The following GOSR2 variants were observed in gnomAD, a reference collection of about 807,000 sequenced individuals.
GOSR2 encodes the protein golgi SNAP receptor complex member 2.
GOSR2 carries 20 observed loss-of-function variants against 27.9 expected under a neutral mutation model. The ratio of observed to expected loss-of-function variants is 0.72; its 90% confidence interval spans 0.50 to 1.04. The LOEUF is 1.04. Ranked by LOEUF, GOSR2 falls within the 50% of genes least tolerant of loss-of-function variation. The pLI is 0.00. For synonymous variants in GOSR2, 91 were observed against 98.8 expected (o/e 0.92, Z 0.47); for missense variants, 261 against 270.5 (o/e 0.97, Z 0.25).
At chr17:46,971,549 C>T (rs555739218), downstream of GOSR2, among the ~76,000 whole-genome samples, 4 of 152,242 alleles carry the variant, frequency 2.6e-5, no homozygotes, top group South Asian at 8.3e-4. Flanking sequence ...CCTGGCAAAG[C>T]TGCATGGCTC....
downstream of GOSR2, among the ~76,000 whole-genome samples, chr17:46,945,634 T>C (rs144387665): frequency 6.6e-6 from 1 of 152,286 alleles, no homozygotes; most frequent in African/African-American, 2.4e-5. Flanking sequence ...TTCTCCCTTC[T>C]TTCCAGCCCG....
At chr17:46,964,957 C>T (rs1431170680) in intron 6 of GOSR2, 2 of 152,344 alleles carry the variant, frequency 1.3e-5, no homozygotes, top group African/African-American at 2.4e-5. Context: ...GTGATGTGGC[C>T]TTTCAGAAAC....
At chr17:46,942,481 A>G (rs1211196711), downstream of GOSR2, among the ~76,000 whole-genome samples, 2 of 152,140 alleles carry the variant, frequency 1.3e-5, no homozygotes, top group African/African-American at 4.8e-5. Context: ...CCATGGGCCC[A>G]CTTAATCTCC....
intron 1 of GOSR2, chr17:46,924,473 A>G (rs998463342): frequency 1.3e-5 from 2 of 152,228 alleles, no homozygotes; most frequent in Non-Finnish European, 2.9e-5. Flanking sequence ...TTTGAGGTAT[A>G]TACCTATCCT....
chr17:46,959,278 A>T lies in GOSR2; in HGVS notation c.584-7256A>T, dbSNP rs74804177. Among the ~76,000 whole-genome samples the T allele has an allele frequency of 5.6e-3, 858 of 152,346 alleles. 8 individuals are homozygous for T. The highest frequency in any genetic ancestry group is 0.018 in the African/African-American group (758 of 41,576). On this transcript the variant is annotated intron_variant, in intron 6 of 6. Transcript: ENST00000573224. ...TAACCTCCAATTTACAAACATTTTT[A>T]ATCACACACCAAAAAGGAAAAGCAT...
intron 6 of GOSR2, among the ~76,000 whole-genome samples, chr17:46,963,335 A>C (rs1392584342): frequency 2.0e-5 from 3 of 152,196 alleles, no homozygotes; most frequent in African/African-American, 7.2e-5. Context: ...ACTTGAGGTC[A>C]AGAGTTTGAG....
downstream of GOSR2, among the ~76,000 whole-genome samples, chr17:46,943,553 G>T (rs959435053): frequency 6.6e-6 from 1 of 152,176 alleles, no homozygotes; most frequent in African/African-American, 2.4e-5. Context: ...CATACTGCAC[G>T]CTTCCTGCGG....
intron 6 of GOSR2, among the ~76,000 whole-genome samples, chr17:46,962,567 A>C (rs2091123292): frequency 6.6e-6 from 1 of 152,236 alleles, no homozygotes; most frequent in South Asian, 2.1e-4. Context: ...CCATACATCA[A>C]GTATAGCTAT....
intron 1 of GOSR2, among the ~76,000 whole-genome samples, chr17:46,924,669 C>T (rs1340372405): frequency 1.3e-5 from 2 of 152,086 alleles, no homozygotes; most frequent in African/African-American, 2.4e-5. Flanking sequence ...TTTGGACAGG[C>T]GAAAATACAG....
intron 6 of GOSR2, chr17:46,975,075 A>T (rs1216749968): frequency 2.0e-5 from 3 of 150,758 alleles, no homozygotes; most frequent in Non-Finnish European, 4.4e-5. Flanking sequence ...CATACGATAA[A>T]CAAAACTAAC....
intron 1 of GOSR2, among the ~76,000 whole-genome samples, chr17:46,925,710 A>C (rs2086396587): frequency 6.6e-6 from 1 of 152,142 alleles, no homozygotes; most frequent in Non-Finnish European, 1.5e-5. Flanking sequence ...CAGTAGCTGA[A>C]CTTATTAATT....
chr17:46,942,098 A>G (rs2089358950), downstream of GOSR2: 1 of 271,646 alleles, frequency 3.7e-6, no homozygotes, highest in Non-Finnish European at 5.6e-6. Flanking sequence ...ACAAGAACAA[A>G]TCAAGTCAGT....
intron 3 of GOSR2, 36 bp from the exon 4 acceptor site, chr17:46,932,031 T>G: frequency 6.2e-7 from 1 of 1,608,248 alleles, no homozygotes; most frequent in South Asian, 1.1e-5. Flanking sequence ...CTGCCCTGAG[T>G]TCCTGGAATT....
At chr17:46,974,606 C>T (rs1362166226) in intron 6 of GOSR2, among the ~76,000 whole-genome samples, 7 of 152,054 alleles carry the variant, frequency 4.6e-5, no homozygotes, top group African/African-American at 7.2e-5. Flanking sequence ...TGGTGGCGGG[C>T]GCCTGTAGTC....
intron 6 of GOSR2, among the ~76,000 whole-genome samples, chr17:46,956,749 C>T (rs1231360082): frequency 2.0e-5 from 3 of 152,292 alleles, no homozygotes; most frequent in South Asian, 4.1e-4. Context: ...GAGTAGCCTG[C>T]GTGGCTGCCA....
chr17:46,964,617 C>T (rs980678527), intron 6 of GOSR2: 1 of 152,356 alleles, frequency 6.6e-6, no homozygotes, highest in South Asian at 2.1e-4. Flanking sequence ...AGTCCAGCCT[C>T]CTCGATTTGG....
At position 46,962,186 on chromosome 17, in the gene GOSR2, G is replaced by A. The variant is rs116321523; in HGVS notation, c.584-4348G>A. Among the ~76,000 whole-genome samples the A allele has an allele frequency of 9.4e-3, 1,429 of 152,088 alleles. 26 individuals are homozygous for A. The highest frequency in any genetic ancestry group is 0.032 in the African/African-American group (1,319 of 41,464). ...ACTAAAAATACATAAAAAATTAGCC[G>A]GGCGTGATGGCATGCGCCTGTAATC... On this transcript the variant is annotated intron_variant, in intron 6 of 6. Coordinates refer to the GOSR2 transcript ENST00000573224.
At chr17:46,952,466 T>C (rs2090432496) in intron 6 of GOSR2, among the ~76,000 whole-genome samples, 1 of 152,214 alleles carries the variant, frequency 6.6e-6, no homozygotes, top group Non-Finnish European at 1.5e-5. Context: ...TAGCAAGAAG[T>C]CCAGTTGAAG....
downstream of GOSR2, among the ~76,000 whole-genome samples, chr17:46,946,894 G>A (rs991989862): frequency 7.2e-5 from 11 of 152,256 alleles, no homozygotes; most frequent in Admixed American, 5.2e-4. Flanking sequence ...ATGAGATGTC[G>A]CGGGGCAGCA....
Sources: allele counts gnomAD v4.1 joint callset (sites outside exome capture counted in the v4.1 genomes callset), GRCh38; gene constraint gnomAD v4.1.1; transcripts MANE v1.5; gene names NCBI Gene and HGNC (gene_info 2026-07-23, HGNC 2026-07-21).